BMERB1: variants seen among roughly 807,000 people sequenced by gnomAD.
BMERB1 encodes bMERB domain containing 1.
In BMERB1, 12 loss-of-function variants were observed where a neutral mutation model predicts 23.6. The observed-to-expected ratio is 0.51, with a 90% CI of 0.33 to 0.82. BMERB1 has a LOEUF of 0.82. BMERB1 is among the 40% of genes least tolerant of loss of function. BMERB1 has a pLI of 0.03. For missense variants in BMERB1, 247 were observed against 255.4 expected (o/e 0.97, Z 0.22); for synonymous variants, 122 against 96.6 (o/e 1.26, Z -1.54).
At chr16:15,475,065 C>T (rs906566587) in intron 1 of BMERB1, among the ~76,000 whole-genome samples, 4 of 152,058 alleles carry the variant, frequency 2.6e-5, no homozygotes, top group African/African-American at 9.7e-5. Context: ...ATTCACTTTC[C>T]CCCTTGGTGC....
rs2031194910 is a variant in BMERB1, at chr16:15,587,962, G to A, written c.*1133G>A. The A allele has an allele frequency of 1.3e-5, 2 of 152,528 alleles. No homozygotes were observed. 9.4% of individuals were successfully genotyped at this position (152,528 alleles called of 1,614,324 possible). On this transcript the variant is annotated 3_prime_UTR_variant, in exon 6 of 6. Coordinates refer to ENST00000300006, the MANE Select transcript of BMERB1 (RefSeq NM_033201.3). ...AATAAAAATGGAAACCACGTTCACA[G>A]CATTTTAAAAGTTTTTACTTTTTTT...
intron 2 of BMERB1, among the ~76,000 whole-genome samples, chr16:15,561,904 A>G (rs565505861): frequency 2.6e-5 from 4 of 152,264 alleles, no homozygotes; most frequent in African/African-American, 9.6e-5. Context: ...AAAAAACATA[A>G]TAATAGTAGA....
intron 1 of BMERB1, chr16:15,448,035 A>G: frequency 2.5e-6 from 1 of 396,612 alleles, no homozygotes; most frequent in South Asian, 1.8e-5. Context: ...AATTACAGGT[A>G]CCCGCCACCA....
In BMERB1 at chr16:15,515,412, T is replaced by A; in HGVS notation, c.214T>A (p.Ser72Thr). ...RLREVLVRRE[S>T]ELRFMMDDIQ... ...CCGGGAAGTCTTGGTCCGCCGGGAG[T>A]CTGAGCTCAGGTTCATGTGAGTGTT... The change falls in exon 2 of 6, where the codon TCT (serine) becomes ACT (threonine). Residue 72 changes from serine to threonine, a missense_variant. By Grantham distance (58) the Ser-to-Thr change is moderately conservative. Coordinates refer to ENST00000300006, the MANE Select transcript of BMERB1 (RefSeq NM_033201.3). 1 of 1,613,376 alleles carries A rather than the reference T, an allele frequency of 6.2e-7. No individual in the cohort carries two copies. Among genetic ancestry groups the A allele is most frequent in the Non-Finnish European group, 8.5e-7 (1 of 1,179,836 alleles).
chr16:15,475,350 T>G (rs1020517574), intron 1 of BMERB1, among the ~76,000 whole-genome samples: 5 of 152,194 alleles, frequency 3.3e-5, no homozygotes, highest in African/African-American at 1.2e-4. Context: ...CTCTCACTTC[T>G]GACACCAGCT....
intron 1 of BMERB1, among the ~76,000 whole-genome samples, chr16:15,507,824 G>C (rs1339396729): frequency 6.6e-6 from 1 of 152,142 alleles, no homozygotes; most frequent in Non-Finnish European, 1.5e-5. Context: ...CCTTCATTAA[G>C]GTCCCTGGAC....
chr16:15,566,894 C>T lies in BMERB1; in HGVS notation c.231-1089C>T, dbSNP rs535456309. 2.0e-5 allele frequency among the ~76,000 whole-genome samples: 3 copies of T among 151,414 alleles called. No individual in the cohort carries two copies. The East Asian group carries it at 5.8e-4, about 29-fold the overall frequency. On this transcript the variant is annotated intron_variant, in intron 2 of 5. Transcript: ENST00000300006. ...ATAAGCATACGCTTTTTTTTTAAAT[C>T]TGGAGGAGGCTGGGTGCAGTGGCTC...
chr16:15,564,661 A>G (rs1567500751), intron 2 of BMERB1, among the ~76,000 whole-genome samples: 1 of 152,264 alleles, frequency 6.6e-6, no homozygotes, highest in Admixed American at 6.5e-5. Context: ...ACTAAGTTAA[A>G]TGAATATTTA....
chr16:15,449,075 C>T (rs960562024), intron 1 of BMERB1, among the ~76,000 whole-genome samples: 2 of 152,100 alleles, frequency 1.3e-5, no homozygotes, highest in Non-Finnish European at 2.9e-5. Flanking sequence ...AACAAAAAAA[C>T]GATAAGGCCC....
intron 2 of BMERB1, among the ~76,000 whole-genome samples, chr16:15,560,110 C>T (rs1312478481): frequency 6.6e-6 from 1 of 152,134 alleles, no homozygotes; most frequent in Non-Finnish European, 1.5e-5. Flanking sequence ...AGAGATGAGA[C>T]ATGAGGAAAA....
At chr16:15,467,060 A>G (rs1368820564) in intron 1 of BMERB1, among the ~76,000 whole-genome samples, 1 of 152,120 alleles carries the variant, frequency 6.6e-6, no homozygotes, top group South Asian at 2.1e-4. Context: ...GTAATATTCC[A>G]TTGTATGGAT....
At chr16:15,509,156 G>C (rs988947555) in intron 1 of BMERB1, among the ~76,000 whole-genome samples, 3 of 151,938 alleles carry the variant, frequency 2.0e-5, no homozygotes, top group Non-Finnish European at 4.4e-5. Context: ...GTGTGTTGCC[G>C]TTTTCAGCAT....
At chr16:15,558,063 G>A (rs1270610775) in intron 2 of BMERB1, among the ~76,000 whole-genome samples, 1 of 151,664 alleles carries the variant, frequency 6.6e-6, no homozygotes, top group Non-Finnish European at 1.5e-5. Flanking sequence ...AATTTTTTTT[G>A]ACTTGATAAG....
intron 1 of BMERB1, among the ~76,000 whole-genome samples, chr16:15,446,934 G>C (rs985390423): frequency 6.6e-6 from 1 of 152,174 alleles, no homozygotes; most frequent in South Asian, 2.1e-4. Flanking sequence ...ACAAAGAAAG[G>C]CTTTCTTTGA....
In BMERB1 at chr16:15,464,851, C is replaced by A. The variant is rs146008448; in HGVS notation, c.106+30092C>A. ...TGTTTTATCAGTGGGGTCTTTGTGA[C>A]CTGTATCTTGTGACCTCCTGTCTCA... On this transcript the variant is annotated intron_variant, in intron 1 of 5. Coordinates refer to ENST00000300006, the MANE Select transcript of BMERB1 (RefSeq NM_033201.3). Among the ~76,000 whole-genome samples the A allele has an allele frequency of 3.5e-3, 540 of 152,206 alleles. 1 individual carries two copies. The highest frequency in any genetic ancestry group is 0.012 in the African/African-American group (509 of 41,530).
chr16:15,511,925 A>G (rs990132950), intron 1 of BMERB1, among the ~76,000 whole-genome samples: 1 of 138,572 alleles, frequency 7.2e-6, no homozygotes, highest in Non-Finnish European at 1.5e-5. Context: ...AGGCAGGAGA[A>G]TTGCTGGAGC....
intron 1 of BMERB1, among the ~76,000 whole-genome samples, chr16:15,441,613 A>G (rs916646357): frequency 6.6e-6 from 1 of 152,052 alleles, no homozygotes; most frequent in African/African-American, 2.4e-5. Flanking sequence ...CTTGACCTCA[A>G]GTGATCCACC....
At chr16:15,442,052 C>T (rs1040779585) in intron 1 of BMERB1, among the ~76,000 whole-genome samples, 17 of 152,004 alleles carry the variant, frequency 1.1e-4, no homozygotes, top group African/African-American at 3.9e-4. Context: ...AGAGGGAGGC[C>T]GGGCACAGTG....
At chr16:15,472,942 C>T (rs1483883420) in intron 1 of BMERB1, among the ~76,000 whole-genome samples, 1 of 151,022 alleles carries the variant, frequency 6.6e-6, no homozygotes, top group African/African-American at 2.4e-5. Flanking sequence ...TCACTGCAAC[C>T]TTTACTTTCC....
Sources: gnomAD v4.1 joint callset for allele counts (sites outside exome capture counted in the v4.1 genomes callset) on GRCh38, gnomAD v4.1.1 for gene constraint, MANE v1.5 for transcripts, NCBI Gene and HGNC (gene_info 2026-07-23, HGNC 2026-07-21) for gene names.